Variants in REPS2 observed in about 807,000 individuals in gnomAD.
The protein encoded by REPS2 is RALBP1 associated Eps domain containing 2.
REPS2 carries 23 observed loss-of-function variants against 53.6 expected under a neutral mutation model. The ratio of observed to expected loss-of-function variants is 0.43; its 90% CI spans 0.31 to 0.61. REPS2 has a LOEUF of 0.61. Among genes scored for constraint, REPS2 ranks in the 20% least tolerant of loss-of-function variants. The pLI, the probability that REPS2 is intolerant of heterozygous loss-of-function variation, is 0.11. For synonymous variants in REPS2, 238 were observed against 218.6 expected, an observed-to-expected ratio of 1.09 and a Z score of -0.78; for missense variants, 446 against 534.9, an observed-to-expected ratio of 0.83 and a Z score of 1.64.
chrX:16,968,325 T>A (rs2060804488), intron 1 of REPS2, among the ~76,000 whole-genome samples: 1 of 112,866 alleles, frequency 8.9e-6, no homozygotes, highest in Non-Finnish European at 1.9e-5. Context: ...ACCGCCATTG[T>A]CATCATGGCC....
intron 5 of REPS2, among the ~76,000 whole-genome samples, chrX:17,036,687 T>TA (rs201493333): frequency 2.7e-5 from 3 of 110,445 alleles, no homozygotes; most frequent in Non-Finnish European, 3.8e-5. Context: ...AGATTAGGGC[T>TA]AAAAAAAAAT....
At chrX:16,975,329 A>C (rs138555747) in intron 1 of REPS2, among the ~76,000 whole-genome samples, 29 of 111,956 alleles carry the variant, frequency 2.6e-4, no homozygotes, top group Non-Finnish European at 4.9e-4. Flanking sequence ...TTACACTCCT[A>C]CCAGCAGTAT....
At chrX:17,054,742 C>T (rs375313228) in intron 7 of REPS2, 66 bp from the exon 8 acceptor site, 27 of 1,129,696 alleles carry the variant, frequency 2.4e-5, no homozygotes, top group Middle Eastern at 2.5e-4. Flanking sequence ...TTTATTGGCA[C>T]GTTTGGGCCA....
rs1569171896 is a variant in REPS2 at position 17,093,184 on chromosome X, ATATATATATATATATAAT to A, written c.1517-10532_1517-10515del. 1.8e-3 allele frequency among the ~76,000 whole-genome samples: 23 copies of A among 12,462 alleles called. 2 individuals carry two copies. Among genetic ancestry groups the A allele is most frequent in the East Asian group, 0.026 (1 of 39 alleles). The allele number at this position is 12,462 out of a possible 115,157, so 10.8% of individuals were successfully genotyped here. A position where few individuals can be genotyped will look rare whatever the true frequency, so the allele number is the denominator to read the frequency against. Reference sequence around the variant, plus strand: ...GTTAATGCTATATATATATATATATATATATATATATATATAATTTTTTTTTTGGAAAGAGTGGCAACT... The same window carrying A: ...GTTAATGCTATATATATATATATATATTTTTTTTTGGAAAGAGTGGCAACT... On this transcript the variant is annotated intron_variant, in intron 13 of 17. Coordinates refer to ENST00000357277, the MANE Select transcript of REPS2 (RefSeq NM_004726.3).
chrX:16,951,193 A>T (rs1439492083), intron 1 of REPS2, among the ~76,000 whole-genome samples: 1 of 111,323 alleles, frequency 9.0e-6, no homozygotes, highest in African/African-American at 3.3e-5. Context: ...AACTACTCTA[A>T]CGTTTGTTGC....
At chrX:17,075,268 A>T in intron 12 of REPS2, among the ~76,000 whole-genome samples, 1 of 112,057 alleles carries the variant, frequency 8.9e-6, no homozygotes, top group East Asian at 2.8e-4. Flanking sequence ...TTGCCTTTGA[A>T]TTGCAGAAAT....
chrX:16,973,321 G>T (rs1383953185), intron 1 of REPS2, among the ~76,000 whole-genome samples: 2 of 111,368 alleles, frequency 1.8e-5, no homozygotes, highest in African/African-American at 6.5e-5. Context: ...AAAATATCTT[G>T]GGGGAGATGC....
chrX:17,163,208 G>T, the REPS2 span, among the ~76,000 whole-genome samples: 1 of 111,889 alleles, frequency 8.9e-6, no homozygotes, highest in Admixed American at 9.5e-5. Context: ...ATTCAGGGTT[G>T]AAAAGTACCA....
chrX:17,105,036 T>C (rs771485463), intron 14 of REPS2, among the ~76,000 whole-genome samples: 3 of 111,167 alleles, frequency 2.7e-5, no homozygotes, highest in Admixed American at 9.6e-5. Context: ...ATCCCTTTTT[T>C]TTTTTTAACA....
chrX:17,001,894 A>T (rs934564181), intron 1 of REPS2, among the ~76,000 whole-genome samples: 3 of 111,620 alleles, frequency 2.7e-5, no homozygotes, highest in African/African-American at 9.8e-5. Flanking sequence ...CTTGTTCACC[A>T]TCACAAGAAT....
At chrX:17,158,988 C>T in the REPS2 span, among the ~76,000 whole-genome samples, 3 of 112,253 alleles carry the variant, frequency 2.7e-5, no homozygotes, top group Non-Finnish European at 3.8e-5. Flanking sequence ...GATGGCAGAA[C>T]GGCTGGTTAT....
At chrX:16,986,086 T>G (rs1477022010) in intron 1 of REPS2, among the ~76,000 whole-genome samples, 1 of 112,342 alleles carries the variant, frequency 8.9e-6, no homozygotes, top group Non-Finnish European at 1.9e-5. Context: ...TTTCAAAGAC[T>G]CATTATGCTA....
At chrX:17,121,664 T>C (rs2063142636) in intron 14 of REPS2, among the ~76,000 whole-genome samples, 1 of 112,575 alleles carries the variant, frequency 8.9e-6, no homozygotes. Flanking sequence ...CTTGTGCCAC[T>C]AGGTGGCACT....
chrX:17,016,704 T>C (rs1224653499), intron 2 of REPS2, among the ~76,000 whole-genome samples: 1 of 110,549 alleles, frequency 9.0e-6, no homozygotes, highest in Non-Finnish European at 1.9e-5. Flanking sequence ...CCACTATGCC[T>C]GGCCTGACAT....
At chrX:17,187,482 TA>T in the REPS2 span, among the ~76,000 whole-genome samples, 1 of 112,091 alleles carries the variant, frequency 8.9e-6, no homozygotes, top group African/African-American at 3.2e-5. Context: ...TCGGGCAAAT[TA>T]AAGCTGACTG....
chrX:17,122,869 A>G (rs931091052), intron 14 of REPS2, among the ~76,000 whole-genome samples: 1 of 112,336 alleles, frequency 8.9e-6, no homozygotes, highest in African/African-American at 3.2e-5. Flanking sequence ...GTGAACTATC[A>G]GTAAGTCGGA....
chrX:17,165,904 T>C, the REPS2 span, among the ~76,000 whole-genome samples: 34 of 111,469 alleles, frequency 3.1e-4, no homozygotes, highest in South Asian at 1.2e-3. Flanking sequence ...GGCACTGATA[T>C]ATATGTGAAC....
chrX:16,959,663 C>T (rs2060637426), intron 1 of REPS2, among the ~76,000 whole-genome samples: 1 of 111,758 alleles, frequency 8.9e-6, no homozygotes, highest in African/African-American at 3.3e-5. Flanking sequence ...TTCTTCCTTA[C>T]CCAAAAATAG....
chrX:16,969,198 T>TAG, intron 1 of REPS2, among the ~76,000 whole-genome samples: 1 of 107,184 alleles, frequency 9.3e-6, no homozygotes, highest in East Asian at 3.0e-4. Context: ...CCTCACTTCC[T>TAG]AGATGGGATG....
Sources: gnomAD v4.1 joint callset for allele counts (sites outside exome capture counted in the v4.1 genomes callset) on GRCh38, gnomAD v4.1.1 for gene constraint, MANE v1.5 for transcripts, NCBI Gene and HGNC (gene_info 2026-07-23, HGNC 2026-07-21) for gene names.